CCSER1: variants seen among roughly 807,000 people sequenced by gnomAD.
The protein encoded by CCSER1 is serine-rich coiled-coil domain-containing protein 1.
Under a neutral mutation model 82.0 loss-of-function variants are expected in CCSER1, and 41 were observed. That is an observed-to-expected ratio of 0.50 (90% CI 0.39 to 0.65). CCSER1 has a LOEUF of 0.65. Among genes scored for constraint, CCSER1 ranks in the 30% least tolerant of loss-of-function variants. The pLI is 0.00. For synonymous variants in CCSER1, 414 were observed against 383.9 expected (o/e 1.08, Z -0.92); for missense variants, 1,119 against 1,064.2 (o/e 1.05, Z -0.72).
chr4:90,715,964 A>T (rs1390745378), intron 6 of CCSER1, among the ~76,000 whole-genome samples: 1 of 151,804 alleles, frequency 6.6e-6, no homozygotes, highest in East Asian at 1.9e-4. Context: ...TACCCATAAA[A>T]TGTAATACTA....
chr4:91,449,906 GTTGAA>G (rs1272631371), intron 10 of CCSER1, among the ~76,000 whole-genome samples: 2 of 152,048 alleles, frequency 1.3e-5, no homozygotes, highest in East Asian at 1.9e-4. Flanking sequence ...ATTTTGAGGA[GTTGAA>G]TTGAAAGTAG....
At chr4:90,935,347 C>T (rs540013460) in intron 9 of CCSER1, among the ~76,000 whole-genome samples, 3 of 152,190 alleles carry the variant, frequency 2.0e-5, no homozygotes, top group Admixed American at 6.5e-5. Context: ...TGCTTCCTCT[C>T]GGGTAGTGAG....
intron 1 of CCSER1, among the ~76,000 whole-genome samples, chr4:90,169,770 T>C (rs1171464301): frequency 6.6e-6 from 1 of 151,824 alleles, no homozygotes; most frequent in Non-Finnish European, 1.5e-5. Flanking sequence ...TTAGTTAGCC[T>C]TTGTCTACAT....
chr4:90,814,396 T>C (rs1054621359), intron 7 of CCSER1, among the ~76,000 whole-genome samples: 11 of 152,212 alleles, frequency 7.2e-5, no homozygotes, highest in African/African-American at 2.7e-4. Context: ...CCCATTGTCT[T>C]GGCTATAACA....
At chr4:91,477,063 C>G (rs1011461576) in intron 10 of CCSER1, among the ~76,000 whole-genome samples, 17 of 151,528 alleles carry the variant, frequency 1.1e-4, no homozygotes, top group African/African-American at 4.1e-4. Flanking sequence ...CAAAAATTGA[C>G]AAATGGATTA....
At chr4:90,730,650 T>C (rs996477605) in intron 7 of CCSER1, among the ~76,000 whole-genome samples, 12 of 152,096 alleles carry the variant, frequency 7.9e-5, no homozygotes, top group African/African-American at 2.4e-4. Flanking sequence ...AAAGTGGCAC[T>C]GGAGTGTGTT....
At chr4:90,637,384 G>A (rs1013132068) in intron 6 of CCSER1, among the ~76,000 whole-genome samples, 2 of 152,262 alleles carry the variant, frequency 1.3e-5, no homozygotes, top group South Asian at 4.2e-4. Context: ...CCTAGTCTCA[G>A]AAGTAATATA....
At chr4:90,359,976 G>T (rs1745059435) in intron 3 of CCSER1, among the ~76,000 whole-genome samples, 1 of 148,002 alleles carries the variant, frequency 6.8e-6, no homozygotes, top group Non-Finnish European at 1.5e-5. Context: ...TGGTGTGTGG[G>T]AGCAAGATCT....
At chr4:91,216,301 G>T (rs1041932255) in intron 10 of CCSER1, among the ~76,000 whole-genome samples, 2 of 152,102 alleles carry the variant, frequency 1.3e-5, no homozygotes, top group Admixed American at 6.5e-5. Context: ...GCATTAAGTA[G>T]GGAAACACTG....
At chr4:91,357,022 C>T (rs920315224) in intron 10 of CCSER1, among the ~76,000 whole-genome samples, 2 of 152,080 alleles carry the variant, frequency 1.3e-5, no homozygotes, top group East Asian at 3.9e-4. Flanking sequence ...CTTTGTTTAA[C>T]GTGCGGATGG....
At chr4:91,077,261 C>G (rs965422978) in intron 9 of CCSER1, among the ~76,000 whole-genome samples, 1 of 152,128 alleles carries the variant, frequency 6.6e-6, no homozygotes, top group Non-Finnish European at 1.5e-5. Context: ...CAGACTCACC[C>G]TAAAAAATGT....
chr4:90,957,735 C>G (rs1316645384), intron 9 of CCSER1, among the ~76,000 whole-genome samples: 1 of 145,528 alleles, frequency 6.9e-6, no homozygotes, highest in Non-Finnish European at 1.5e-5. Flanking sequence ...CATACACACA[C>G]AGCTAACAAA....
chr4:91,387,082 T>A (rs1265735325), intron 10 of CCSER1, among the ~76,000 whole-genome samples: 1 of 152,000 alleles, frequency 6.6e-6, no homozygotes, highest in Non-Finnish European at 1.5e-5. Flanking sequence ...GTTGATAGAT[T>A]AAATGAAAAT....
chr4:90,283,170 C>A (rs879256791), intron 1 of CCSER1, among the ~76,000 whole-genome samples: 4 of 151,846 alleles, frequency 2.6e-5, no homozygotes, highest in Non-Finnish European at 5.9e-5. Flanking sequence ...CTTGGTTATT[C>A]ATATTTCTAA....
At chr4:90,327,296 G>A (rs1386705094) in intron 3 of CCSER1, among the ~76,000 whole-genome samples, 1 of 151,946 alleles carries the variant, frequency 6.6e-6, no homozygotes, top group Non-Finnish European at 1.5e-5. Flanking sequence ...TTGATCTTAG[G>A]GAAATACTTG....
At chr4:90,640,503 ATTAC>A (rs1285433428) in intron 6 of CCSER1, among the ~76,000 whole-genome samples, 5 of 152,104 alleles carry the variant, frequency 3.3e-5, no homozygotes, top group East Asian at 3.9e-4. Context: ...ACTTAATGTT[ATTAC>A]TTAATACTGC....
At chr4:90,697,391 A>G (rs1291587050) in intron 6 of CCSER1, among the ~76,000 whole-genome samples, 1 of 118,610 alleles carries the variant, frequency 8.4e-6, no homozygotes, top group Non-Finnish European at 1.8e-5. Context: ...CATAACATAA[A>G]AAACCAATAT....
At chr4:90,513,685 T>A (rs1322465282) in intron 5 of CCSER1, among the ~76,000 whole-genome samples, 1 of 152,106 alleles carries the variant, frequency 6.6e-6, no homozygotes, top group Non-Finnish European at 1.5e-5. Context: ...TGGGAAATAA[T>A]GGCTGAAATT....
chr4:91,489,308 G>A (rs1206972685), intron 10 of CCSER1, among the ~76,000 whole-genome samples: 4 of 152,146 alleles, frequency 2.6e-5, no homozygotes, highest in Non-Finnish European at 5.9e-5. Context: ...CCCCCACACA[G>A]ATTTTCCATT....
Sources: gnomAD v4.1 joint callset for allele counts (sites outside exome capture counted in the v4.1 genomes callset) on GRCh38, gnomAD v4.1.1 for gene constraint, MANE v1.5 for transcripts, NCBI Gene and HGNC (gene_info 2026-07-23, HGNC 2026-07-21) for gene names.